Variants in ZNF217 observed in about 807,000 individuals in gnomAD.
ZNF217 encodes the protein zinc finger protein 217.
In ZNF217, 12 loss-of-function variants were observed where a neutral mutation model predicts 73.3. The observed-to-expected ratio is 0.16, with a 90% CI of 0.10 to 0.27. The LOEUF is 0.27. ZNF217 is among the 10% of genes least tolerant of loss of function. ZNF217 has a pLI of 1.00. For missense variants in ZNF217, 1,195 were observed against 1,327.8 expected (o/e 0.90, Z 1.55); for synonymous variants, 588 against 516.4 (o/e 1.14, Z -1.88).
intron 1 of ZNF217, among the ~76,000 whole-genome samples, 185 bp downstream of exon 1, chr20:53,593,571 A>G (rs540262373): frequency 1.6e-3 from 236 of 151,370 alleles, no homozygotes; most frequent in African/African-American, 5.6e-3. Flanking sequence ...CGCGGGCGGA[A>G]GCGCAGGAGC....
chr20:53,596,680 T>C (rs987728379), upstream of ZNF217, among the ~76,000 whole-genome samples: 3 of 152,058 alleles, frequency 2.0e-5, no homozygotes, highest in Non-Finnish European at 2.9e-5. Flanking sequence ...AAAGTGAAAA[T>C]TGAAAATCGA....
chr20:53,580,026 C>CA (rs1212948528), intron 2 of ZNF217, among the ~76,000 whole-genome samples: 1 of 152,216 alleles, frequency 6.6e-6, no homozygotes, highest in Non-Finnish European at 1.5e-5. Context: ...GCCCCTGCAA[C>CA]AGTACCGGCA....
chr20:53,594,167 C>A (rs1385756086), upstream of ZNF217, among the ~76,000 whole-genome samples: 3 of 151,352 alleles, frequency 2.0e-5, no homozygotes, highest in Non-Finnish European at 4.4e-5. Flanking sequence ...GGCGCGGGCG[C>A]CCCCTACTCG....
intron 1 of ZNF217, among the ~76,000 whole-genome samples, chr20:53,587,704 T>G (rs1988745643): frequency 6.6e-6 from 1 of 150,794 alleles, no homozygotes; most frequent in Non-Finnish European, 1.5e-5. Flanking sequence ...ATTGCTATTC[T>G]CTGGCCAATG....
At chr20:53,578,756 G>T (rs191957575) in intron 2 of ZNF217, among the ~76,000 whole-genome samples, 1 of 152,102 alleles carries the variant, frequency 6.6e-6, no homozygotes, top group Non-Finnish European at 1.5e-5. Context: ...TGAATTGCCC[G>T]GGCAGCTTCC....
chr20:53,589,524 CTATT>C (rs1988810882), intron 1 of ZNF217, among the ~76,000 whole-genome samples: 2 of 152,200 alleles, frequency 1.3e-5, no homozygotes, highest in South Asian at 4.1e-4. Flanking sequence ...GGCTTCCCCC[CTATT>C]TATCTGGAAG....
upstream of ZNF217, chr20:53,593,953 C>T (rs1164361788): frequency 2.4e-4 from 36 of 151,748 alleles, no homozygotes; most frequent in Non-Finnish European, 1.0e-4. Context: ...CGCGCCCGCA[C>T]CCGGCCCCCC....
chr20:53,571,714 T>C lies in ZNF217; in HGVS notation c.*23+7A>G, dbSNP rs758387716. The C allele has an allele frequency of 6.8e-6, 11 of 1,608,166 alleles. No individual in the cohort carries two copies. The highest frequency in any genetic ancestry group is 6.7e-5 in the South Asian group (6 of 89,690). On this transcript the variant is annotated splice_region_variant and intron_variant, in intron 5 of 5. Coordinates refer to ENST00000371471, the MANE Select transcript of ZNF217 (RefSeq NM_006526.3). The stretch of plus-strand genomic sequence containing the variant: ...ATCCAGTGTTTTTAATTGAAACATA[T>C]GCTCACCTTTTTTCCCCCTAATTAG...
chr20:53,585,085 G>T (rs1600726794), intron 1 of ZNF217, among the ~76,000 whole-genome samples: 3 of 77,484 alleles, frequency 3.9e-5, no homozygotes, highest in East Asian at 4.2e-4. Flanking sequence ...TCAAAGTTCA[G>T]TGAGAATTTG....
chr20:53,574,880 T>C (rs1362812282), intron 4 of ZNF217: 1 of 150,390 alleles, frequency 6.6e-6, no homozygotes, highest in African/African-American at 2.5e-5. Flanking sequence ...ACACCATACA[T>C]GTGCAAAGGA....
At chr20:53,589,003 T>G (rs73911561) in intron 1 of ZNF217, among the ~76,000 whole-genome samples, 1 of 152,192 alleles carries the variant, frequency 6.6e-6, no homozygotes, top group African/African-American at 2.4e-5. Context: ...TTATCCTTAT[T>G]TGATAGAGGT....
In ZNF217 at chr20:53,572,133, G is replaced by A. The variant is rs1444425660; in HGVS notation, c.3038-280C>T. ...AATGACATCACAAAATACTTGAAAC[G>A]TATATGCATCATGAACCAAACTATG... On this transcript the variant is annotated intron_variant, in intron 4 of 5. Transcript: ENST00000371471. 3.3e-5 allele frequency among the ~76,000 whole-genome samples: 5 copies of A among 152,172 alleles called. No individual in the cohort carries two copies. In the East Asian group the frequency reaches 5.8e-4, roughly 18 times the overall value.
At position 53,576,745 on chromosome 20, in the gene ZNF217, G is replaced by A; in HGVS notation, c.2019C>T (p.Asp673=). ...AATCCACACTTGGCCTGTATCTGCA[G>A]TCAGCTGCGGTCTCCGTTTGCTTCT... ...PKEKQTETAA[D]CRYRPSVDCH... is the part of the protein sequence containing the mutation. Residue 673 remains aspartate (D), a synonymous_variant, in exon 4 of 6, where the codon GAC becomes GAT. Transcript: ENST00000371471. 6.2e-7 allele frequency: 1 copy of A among 1,614,236 alleles called. No individual in the cohort carries two copies. The highest frequency in any genetic ancestry group is 1.3e-5 in the African/African-American group (1 of 75,066).
upstream of ZNF217, among the ~76,000 whole-genome samples, chr20:53,596,305 A>T (rs909250610): frequency 9.2e-5 from 14 of 152,014 alleles, no homozygotes; most frequent in African/African-American, 3.4e-4. Flanking sequence ...ATTATAATTC[A>T]CTGATCTGTC....
Position 53,582,151 on chromosome 20 carries a change from G to C in ZNF217, c.676C>G (p.Pro226Ala). ...TGCTCAATTAGACTTTCTTTATTTG[G>C]AAATAGGAAGCCACAAACCATGCAG... ...KICMVCGFLF[P>A]NKESLIEHRK... The change falls in exon 2 of 6, where the codon CCA becomes GCA. Residue 226 changes from proline to alanine, a missense_variant. By Grantham distance (27) the Pro-to-Ala change is conservative (BLOSUM62 -1). Transcript: ENST00000371471. This position sits in a 1 kb window ranked among gnomAD's most constrained non-coding sequence, Gnocchi z 4.8. 6.2e-7 allele frequency: 1 copy of C among 1,614,152 alleles called. No individual in the cohort carries two copies.
intron 1 of ZNF217, among the ~76,000 whole-genome samples, chr20:53,586,130 G>GTAAC (rs112231252): frequency 2.6e-5 from 4 of 152,172 alleles, no homozygotes; most frequent in African/African-American, 9.6e-5. Context: ...TTTTCTAAAA[G>GTAAC]TAACACCTCA....
At position 53,576,802 on chromosome 20, in the gene ZNF217, A is replaced by G; in HGVS notation, c.1962T>C (p.Ser654=). Residue 654 remains serine, a synonymous_variant, in exon 4 of 6, where the codon AGT becomes AGC. Transcript: ENST00000371471. The part of the protein sequence containing the change: ...KADVTPPPDG[S]TTHNLEVSPK... ...GGCTAACTTCAAGGTTATGGGTGGT[A>G]CTGCCATCCGGAGGAGGAGTAACAT... is the stretch of plus-strand genomic sequence containing the variant. The G allele has an allele frequency of 6.2e-7, 1 of 1,614,222 alleles. No individual in the cohort carries two copies. Among genetic ancestry groups the G allele is most frequent in the East Asian group, 2.2e-5 (1 of 44,876 alleles).
chr20:53,588,598 A>C (rs6126876), intron 1 of ZNF217, among the ~76,000 whole-genome samples: 116 of 740 alleles, frequency 0.16, no homozygotes, highest in African/African-American at 0.44. Context: ...ATCTATCTAT[A>C]TATATATATA....
At chr20:53,593,661 C>T (rs1307592272) in intron 1 of ZNF217, 95 bp downstream of exon 1, 1 of 151,366 alleles carries the variant, frequency 6.6e-6, no homozygotes, top group East Asian at 2.0e-4. Flanking sequence ...GGGGACAAGA[C>T]AACGAGAGCC....
Sources: allele counts gnomAD v4.1 joint callset (sites outside exome capture counted in the v4.1 genomes callset), GRCh38; gene constraint gnomAD v4.1.1; non-coding constraint Gnocchi (gnomAD v3.1); transcripts MANE v1.5; gene names NCBI Gene and HGNC (gene_info 2026-07-23, HGNC 2026-07-21).